The following FSIP1 variants were observed in gnomAD, a reference collection of about 807,000 sequenced individuals.
FSIP1 encodes fibrous sheath interacting protein 1, also known as fibrous sheath-interacting protein 1.
Under a neutral mutation model 60.9 loss-of-function variants are expected in FSIP1, and 65 were observed. The observed-to-expected ratio is 1.07, with a 90% confidence interval of 0.87 to 1.31. The LOEUF (loss-of-function observed/expected upper bound fraction) is 1.31. FSIP1 is among the 40% of genes most tolerant of loss of function. FSIP1 has a pLI of 0.00. For missense variants in FSIP1, 675 were observed against 665.5 expected, an observed-to-expected ratio of 1.01 and a Z score of -0.16; for synonymous variants, 209 against 221.2, an observed-to-expected ratio of 0.94 and a Z score of 0.49.
chr15:39,716,642 G>A lies in FSIP1; in HGVS notation c.1051-3061C>T, dbSNP rs1203906268. On this transcript the variant is annotated intron_variant, in intron 9 of 11. Coordinates refer to ENST00000350221, the MANE Select transcript of FSIP1 (RefSeq NM_152597.5). ...AACCTCCTCAACATCATTAGTCACT[G>A]GGGAAATGCAATTAAACCACAATGA... Among the ~76,000 whole-genome samples, 6 of 152,066 alleles carry A rather than the reference G, an allele frequency of 3.9e-5. No homozygotes were observed. In the South Asian group the frequency reaches 6.2e-4, roughly 16 times the overall value.
At chr15:39,776,878 C>T (rs370220469) in intron 1 of FSIP1, among the ~76,000 whole-genome samples, 2 of 152,284 alleles carry the variant, frequency 1.3e-5, no homozygotes, top group African/African-American at 4.8e-5. Context: ...GCACCCGTCT[C>T]TCAAGCAAGA....
At chr15:39,723,877 G>C (rs1430719081) in intron 9 of FSIP1, among the ~76,000 whole-genome samples, 1 of 152,178 alleles carries the variant, frequency 6.6e-6, no homozygotes, top group Admixed American at 6.5e-5. Context: ...AAAATACTTT[G>C]CCATGTTAGC....
chr15:39,680,022 GTACTTAACTAAT>G (rs1894097433), intron 10 of FSIP1, among the ~76,000 whole-genome samples: 1 of 152,122 alleles, frequency 6.6e-6, no homozygotes, highest in African/African-American at 2.4e-5. Context: ...AGCTCCCACA[GTACTTAACTAAT>G]TTCAGTGAAG....
At chr15:39,696,983 A>C (rs1894847437) in intron 10 of FSIP1, among the ~76,000 whole-genome samples, 1 of 151,756 alleles carries the variant, frequency 6.6e-6, no homozygotes, top group African/African-American at 2.4e-5. Context: ...AACCTCAGAC[A>C]GGATCATGAC....
intron 10 of FSIP1, among the ~76,000 whole-genome samples, chr15:39,659,541 CA>C (rs911774566): frequency 3.8e-3 from 236 of 61,778 alleles, no homozygotes; most frequent in Middle Eastern, 0.019. Flanking sequence ...GACTCCTCCT[CA>C]AAAAAAAAAA....
At chr15:39,598,313 C>G (rs944320399), downstream of FSIP1, 25 of 152,316 alleles carry the variant, frequency 1.6e-4, no homozygotes, top group Non-Finnish European at 2.9e-5. Context: ...AAATACTCAT[C>G]TTTCTGAGTA....
intron 10 of FSIP1, among the ~76,000 whole-genome samples, chr15:39,677,387 G>C (rs958863661): frequency 2.6e-5 from 4 of 151,924 alleles, no homozygotes; most frequent in African/African-American, 9.7e-5. Context: ...CCTCCCAACT[G>C]GGCTGTGAGT....
At chr15:39,665,088 A>G (rs1304574447) in intron 10 of FSIP1, among the ~76,000 whole-genome samples, 2 of 152,152 alleles carry the variant, frequency 1.3e-5, no homozygotes, top group African/African-American at 2.4e-5. Context: ...CACCACTCCC[A>G]TCGAAAGCTT....
At chr15:39,722,376 CAT>C (rs943189022) in intron 9 of FSIP1, among the ~76,000 whole-genome samples, 16 of 152,016 alleles carry the variant, frequency 1.1e-4, no homozygotes, top group African/African-American at 3.9e-4. Flanking sequence ...ATAAATGTAA[CAT>C]GTTTGAATCA....
At chr15:39,737,287 C>T (rs1896646850) in intron 8 of FSIP1, among the ~76,000 whole-genome samples, 1 of 152,080 alleles carries the variant, frequency 6.6e-6, no homozygotes, top group South Asian at 2.1e-4. Flanking sequence ...ATGCTGTTCC[C>T]CTCTTTCACT....
At position 39,696,870 on chromosome 15, in the gene FSIP1, C is replaced by CTGTGTGTGTG. The variant is rs67940382; in HGVS notation, c.1188+16564_1188+16573dup. Among the ~76,000 whole-genome samples, 10 of 111,834 alleles carry CTGTGTGTGTG rather than the reference C, an allele frequency of 8.9e-5. No homozygotes were observed. In the East Asian group the frequency reaches 2.4e-3, roughly 27 times the overall value. 73.4% of individuals were successfully genotyped at this position (111,834 alleles called of 152,430 possible). ...GGAAAGGAGGAGGGGGAAGGGGTGT[C>CTGTGTGTGTG]TGTGTGTGTGTGTGTGTGTGTGTGT... On this transcript the variant is annotated intron_variant, in intron 10 of 11. Transcript: ENST00000350221.
At chr15:39,743,435 G>GA (rs11417887) in intron 5 of FSIP1, among the ~76,000 whole-genome samples, 3,053 of 146,780 alleles carry the variant, frequency 0.021, 118 homozygotes, top group African/African-American at 0.071. Context: ...ACCCTTGGAG[G>GA]AAAAAAAAAA....
intron 2 of FSIP1, among the ~76,000 whole-genome samples, chr15:39,772,042 T>C (rs545468972): frequency 1.2e-3 from 176 of 152,262 alleles, no homozygotes; most frequent in African/African-American, 4.0e-3. Context: ...CCCAAGACCT[T>C]TCACATCCAT....
chr15:39,607,778 T>C (rs1890879936), intron 11 of FSIP1, among the ~76,000 whole-genome samples: 1 of 152,252 alleles, frequency 6.6e-6, no homozygotes, highest in Non-Finnish European at 1.5e-5. Flanking sequence ...TACGTATCAG[T>C]AATACTTGCT....
intron 11 of FSIP1, among the ~76,000 whole-genome samples, chr15:39,605,167 A>G (rs548767084): frequency 1.3e-5 from 2 of 152,326 alleles, no homozygotes; most frequent in East Asian, 3.9e-4. Context: ...GAGGATCCCA[A>G]TAAGATAACA....
At chr15:39,701,956 A>T (rs965414581) in intron 10 of FSIP1, among the ~76,000 whole-genome samples, 1 of 152,194 alleles carries the variant, frequency 6.6e-6, no homozygotes, top group Admixed American at 6.5e-5. Flanking sequence ...AGGAGCTGGG[A>T]TTACTGCCAA....
intron 10 of FSIP1, among the ~76,000 whole-genome samples, chr15:39,655,649 G>A (rs1893041041): frequency 1.3e-5 from 2 of 152,164 alleles, no homozygotes; most frequent in South Asian, 4.1e-4. Flanking sequence ...TCAAGTTTCG[G>A]TATCCTTATT....
At chr15:39,710,721 T>C (rs1191377141) in intron 10 of FSIP1, among the ~76,000 whole-genome samples, 1 of 152,230 alleles carries the variant, frequency 6.6e-6, no homozygotes, top group African/African-American at 2.4e-5. Flanking sequence ...TCCTACCTCC[T>C]CCACTTACTA....
intron 10 of FSIP1, among the ~76,000 whole-genome samples, chr15:39,631,560 A>T (rs1349478604): frequency 6.6e-6 from 1 of 152,128 alleles, no homozygotes; most frequent in African/African-American, 2.4e-5. Context: ...TAACGAAGAC[A>T]CCTCTTCCCA....
Sources: gnomAD v4.1 joint callset for allele counts (sites outside exome capture counted in the v4.1 genomes callset) on GRCh38, gnomAD v4.1.1 for gene constraint, MANE v1.5 for transcripts, NCBI Gene and HGNC (gene_info 2026-07-23, HGNC 2026-07-21) for gene names.